The following XKR4 variants were observed in gnomAD, a reference collection of about 807,000 sequenced individuals.
The protein encoded by XKR4 is XK related 4.
Under a neutral mutation model 53.9 loss-of-function variants are expected in XKR4, and 12 were observed. That is an observed-to-expected ratio of 0.22 (90% CI 0.14 to 0.36). XKR4 has a LOEUF of 0.36. Among genes scored for constraint, XKR4 ranks in the 10% least tolerant of loss-of-function variants. The pLI is 1.00. For missense variants in XKR4, 799 were observed against 859.5 expected, an observed-to-expected ratio of 0.93 and a Z score of 0.88; for synonymous variants, 354 against 362.4, an observed-to-expected ratio of 0.98 and a Z score of 0.26.
intron 1 of XKR4, among the ~76,000 whole-genome samples, chr8:55,174,959 A>T (rs1342325909): frequency 1.3e-5 from 2 of 152,258 alleles, no homozygotes; most frequent in Non-Finnish European, 2.9e-5. Flanking sequence ...AGATGAGAAG[A>T]CAATCAAAGG....
intron 1 of XKR4, among the ~76,000 whole-genome samples, chr8:55,242,772 G>A (rs1220841276): frequency 1.3e-5 from 2 of 152,128 alleles, no homozygotes; most frequent in South Asian, 2.1e-4. Flanking sequence ...GCAGAGCTAC[G>A]TCTCGGATCT....
chr8:55,271,234 G>A (rs144810234), intron 1 of XKR4, among the ~76,000 whole-genome samples: 230 of 151,880 alleles, frequency 1.5e-3, no homozygotes, highest in African/African-American at 5.2e-3. Context: ...TTTCCTCTCC[G>A]TGGCTTCCTT....
intron 2 of XKR4, among the ~76,000 whole-genome samples, chr8:55,425,206 A>G (rs573962729): frequency 6.6e-6 from 1 of 152,214 alleles, no homozygotes; most frequent in African/African-American, 2.4e-5. Flanking sequence ...CTGGAGGCAC[A>G]CAGTTGGCTT....
chr8:55,443,530 TAA>T (rs751152509), intron 2 of XKR4, among the ~76,000 whole-genome samples: 1,047 of 73,940 alleles, frequency 0.014, 16 homozygotes, highest in South Asian at 0.057. Context: ...TCAGTTACAT[TAA>T]AAAAAAAAAA....
chr8:55,413,543 A>G (rs1042072428), intron 2 of XKR4, among the ~76,000 whole-genome samples: 1 of 152,198 alleles, frequency 6.6e-6, no homozygotes, highest in African/African-American at 2.4e-5. Flanking sequence ...TTCCATGACA[A>G]TATTTACTTA....
chr8:55,366,465 A>AACTG (rs2129385461), intron 2 of XKR4, among the ~76,000 whole-genome samples: 1 of 152,324 alleles, frequency 6.6e-6, no homozygotes, highest in African/African-American at 2.4e-5. Context: ...CGAGTCTGGC[A>AACTG]ACTGACATGT....
intron 2 of XKR4, among the ~76,000 whole-genome samples, chr8:55,486,812 A>T (rs1011414033): frequency 6.6e-6 from 1 of 152,162 alleles, no homozygotes; most frequent in Non-Finnish European, 1.5e-5. Context: ...TTTATCTTTC[A>T]CCATTAAGTA....
chr8:55,300,133 G>A (rs1260858057), intron 1 of XKR4, among the ~76,000 whole-genome samples: 3 of 152,184 alleles, frequency 2.0e-5, no homozygotes, highest in Non-Finnish European at 4.4e-5. Flanking sequence ...GCATGTGAAA[G>A]GTGAAGCAGG....
chr8:55,503,476 T>G (rs553141341), intron 2 of XKR4, among the ~76,000 whole-genome samples: 2 of 152,176 alleles, frequency 1.3e-5, no homozygotes, highest in African/African-American at 4.8e-5. Flanking sequence ...TTCCTTTTCA[T>G]GTTTCCATTA....
chr8:55,300,326 G>C (rs949341534), intron 1 of XKR4, among the ~76,000 whole-genome samples: 13 of 152,136 alleles, frequency 8.5e-5, no homozygotes, highest in African/African-American at 3.1e-4. Flanking sequence ...AGCTGAATCT[G>C]AGTGAAAATG....
At chr8:55,244,123 T>C (rs1356208409) in intron 1 of XKR4, among the ~76,000 whole-genome samples, 1 of 152,206 alleles carries the variant, frequency 6.6e-6, no homozygotes, top group Non-Finnish European at 1.5e-5. Context: ...TACAGGTAAA[T>C]TGTATGTCAC....
In XKR4 at chr8:55,420,737, T is replaced by A. The variant is rs143543843; in HGVS notation, c.1006+62860T>A. Among the ~76,000 whole-genome samples the A allele has an allele frequency of 6.8e-4, 103 of 152,064 alleles. 1 individual carries two copies. Among genetic ancestry groups the A allele is most frequent in the African/African-American group, 2.4e-3 (98 of 41,432 alleles). On this transcript the variant is annotated intron_variant, in intron 2 of 2. Coordinates refer to ENST00000327381, the MANE Select transcript of XKR4 (RefSeq NM_052898.2). ...CCAGCATGGTACATGTATACATATG[T>A]AACTAACCTGCACATTGTGCACGTG... is the stretch of plus-strand genomic sequence containing the variant.
intron 1 of XKR4, among the ~76,000 whole-genome samples, chr8:55,267,262 G>A (rs1818619724): frequency 6.6e-6 from 1 of 152,188 alleles, no homozygotes; most frequent in South Asian, 2.1e-4. Flanking sequence ...GTGGGCATCT[G>A]GTGACCATCC....
rs781681328 is a variant in XKR4 at position 55,523,664 on chromosome 8, A to G, written c.1390A>G (p.Ile464Val). 2.5e-6 allele frequency: 4 copies of G among 1,614,118 alleles called. No homozygotes were observed. The highest frequency in any genetic ancestry group is 3.4e-6 in the Non-Finnish European group (4 of 1,180,022). The change falls in exon 3 of 3, where the codon ATC (isoleucine) becomes GTC (valine). Residue 464 changes from isoleucine (I) to valine (V), a missense_variant. Around this residue, in one of 3 missense-constraint regions of XKR4, gnomAD observed 269 missense variants for 264.4 expected, o/e 1.02. Coordinates refer to ENST00000327381, the MANE Select transcript of XKR4 (RefSeq NM_052898.2). Reference sequence around the variant, plus strand: ...CAGGCTATTCATTTACTATTTTGTGATCCTTTTGGAAAATACAGCCTTGAG... The same window carrying G: ...CAGGCTATTCATTTACTATTTTGTGGTCCTTTTGGAAAATACAGCCTTGAG... ...RCRLFIYYFVILLENTALSAL... is the reference protein window; with the variant it reads ...RCRLFIYYFVVLLENTALSAL...
At chr8:55,418,244 A>G (rs1804877907) in intron 2 of XKR4, among the ~76,000 whole-genome samples, 2 of 152,188 alleles carry the variant, frequency 1.3e-5, no homozygotes, top group Non-Finnish European at 2.9e-5. Context: ...GTGGCAGGGC[A>G]GATCCCTGAG....
chr8:55,292,889 G>A (rs78284508), intron 1 of XKR4, among the ~76,000 whole-genome samples: 1,971 of 151,872 alleles, frequency 0.013, 21 homozygotes, highest in Non-Finnish European at 0.018. Context: ...TTCCTCTTTG[G>A]TCCATGGGTT....
chr8:55,259,032 G>C (rs1429787575), intron 1 of XKR4, among the ~76,000 whole-genome samples: 1 of 152,198 alleles, frequency 6.6e-6, no homozygotes, highest in Admixed American at 6.5e-5. Context: ...GGAAGCTCAG[G>C]CATTCGTGTC....
chr8:55,490,360 C>A (rs570082418), intron 2 of XKR4, among the ~76,000 whole-genome samples: 1 of 152,210 alleles, frequency 6.6e-6, no homozygotes, highest in South Asian at 2.1e-4. Flanking sequence ...AATGTTCTTA[C>A]TTAAAAGTAG....
chr8:55,266,313 C>T (rs1818600382), intron 1 of XKR4, among the ~76,000 whole-genome samples: 1 of 151,832 alleles, frequency 6.6e-6, no homozygotes, highest in Admixed American at 6.6e-5. Flanking sequence ...TGGCTGCGTC[C>T]TCCAGTTGCC....
Sources: gnomAD v4.1 joint callset for allele counts (sites outside exome capture counted in the v4.1 genomes callset) on GRCh38, gnomAD v4.1.1 for gene constraint, gnomAD v4.1.1 regional missense constraint, MANE v1.5 for transcripts, NCBI Gene and HGNC (gene_info 2026-07-23, HGNC 2026-07-21) for gene names.